CSMD1: variants seen among roughly 807,000 people sequenced by gnomAD.
CSMD1 encodes the protein CUB and sushi domain-containing protein 1.
In CSMD1, 213 loss-of-function variants were observed where a neutral mutation model predicts 417.5. The observed-to-expected ratio is 0.51, with a 90% CI of 0.46 to 0.57. CSMD1 has a LOEUF of 0.57. Among genes scored for constraint, CSMD1 ranks in the 20% least tolerant of loss-of-function variants. The pLI, the probability that CSMD1 is intolerant of heterozygous loss-of-function variation, is 0.00. For missense variants in CSMD1, 6,923 were observed against 4,529.7 expected, an observed-to-expected ratio of 1.53 and a Z score of -15.17; for synonymous variants, 2,862 against 1,736.8, an observed-to-expected ratio of 1.65 and a Z score of -16.11.
At chr8:3,724,606 T>A (rs544077705) in intron 6 of CSMD1, among the ~76,000 whole-genome samples, 1 of 152,152 alleles carries the variant, frequency 6.6e-6, no homozygotes, top group African/African-American at 2.4e-5. Context: ...GGAATGAGAA[T>A]TGGCCTCTGG....
intron 3 of CSMD1, among the ~76,000 whole-genome samples, chr8:4,218,166 T>C (rs1173461453): frequency 6.6e-6 from 1 of 152,326 alleles, no homozygotes; most frequent in South Asian, 2.1e-4. Flanking sequence ...GTTCTAGTAA[T>C]GGAACACTAG....
chr8:4,153,943 A>C (rs1203631885), intron 3 of CSMD1, among the ~76,000 whole-genome samples: 1 of 152,334 alleles, frequency 6.6e-6, no homozygotes, highest in South Asian at 2.1e-4. Flanking sequence ...TCCTGCTTTC[A>C]AGTGTTTTCT....
At chr8:3,822,728 G>A (rs910947927) in intron 5 of CSMD1, among the ~76,000 whole-genome samples, 7 of 152,152 alleles carry the variant, frequency 4.6e-5, no homozygotes, top group African/African-American at 1.7e-4. Flanking sequence ...AGTCCTTTGG[G>A]TTTTGTTTGG....
intron 7 of CSMD1, among the ~76,000 whole-genome samples, chr8:3,621,725 G>A (rs938880751): frequency 2.6e-5 from 4 of 151,782 alleles, no homozygotes; most frequent in African/African-American, 9.7e-5. Flanking sequence ...AACTACAGGT[G>A]CATGCCACCA....
At chr8:4,399,943 C>A (rs1400706940) in intron 3 of CSMD1, among the ~76,000 whole-genome samples, 2 of 152,162 alleles carry the variant, frequency 1.3e-5, no homozygotes, top group Admixed American at 1.3e-4. Flanking sequence ...CAGACCTCAT[C>A]TAGGGCTCTC....
chr8:3,988,767 T>C (rs979925737), intron 5 of CSMD1, among the ~76,000 whole-genome samples: 1 of 152,224 alleles, frequency 6.6e-6, no homozygotes, highest in African/African-American at 2.4e-5. Flanking sequence ...CAGCCCTGAA[T>C]GTGAAACAAT....
chr8:3,864,912 G>T (rs1162511545), intron 5 of CSMD1, among the ~76,000 whole-genome samples: 1 of 152,170 alleles, frequency 6.6e-6, no homozygotes, highest in African/African-American at 2.4e-5. Flanking sequence ...AAGAAGTATT[G>T]CTCTACGTGG....
chr8:4,614,012 T>G (rs1383636110), intron 2 of CSMD1, among the ~76,000 whole-genome samples: 1 of 152,148 alleles, frequency 6.6e-6, no homozygotes, highest in Non-Finnish European at 1.5e-5. Context: ...AATAAAAATT[T>G]TAGGACAAAC....
intron 10 of CSMD1, among the ~76,000 whole-genome samples, chr8:3,522,194 T>A (rs922097545): frequency 6.6e-6 from 1 of 152,196 alleles, no homozygotes; most frequent in Admixed American, 6.5e-5. Context: ...AATCGTTATA[T>A]GATTAAATTT....
At chr8:4,184,802 C>A (rs1798571127) in intron 3 of CSMD1, among the ~76,000 whole-genome samples, 1 of 151,798 alleles carries the variant, frequency 6.6e-6, no homozygotes. Flanking sequence ...CACAGGTTTA[C>A]TTATATAGGA....
intron 2 of CSMD1, among the ~76,000 whole-genome samples, chr8:4,552,902 G>A (rs893753490): frequency 6.6e-6 from 1 of 152,164 alleles, no homozygotes; most frequent in Admixed American, 6.5e-5. Flanking sequence ...CTAGGAACAG[G>A]TGAGATGGCA....
At chr8:4,990,865 G>A (rs1355050536) in intron 1 of CSMD1, among the ~76,000 whole-genome samples, 1 of 152,156 alleles carries the variant, frequency 6.6e-6, no homozygotes, top group East Asian at 1.9e-4. Flanking sequence ...GTATGGGAGG[G>A]CGCACCTCTC....
intron 5 of CSMD1, among the ~76,000 whole-genome samples, chr8:3,912,641 G>A (rs553890699): frequency 3.9e-5 from 6 of 152,228 alleles, no homozygotes; most frequent in Middle Eastern, 3.4e-3. Context: ...GTTTACAAGC[G>A]TCCTCAAGTG....
chr8:4,912,768 A>G (rs1422267891), intron 1 of CSMD1, among the ~76,000 whole-genome samples: 1 of 150,416 alleles, frequency 6.6e-6, no homozygotes, highest in Non-Finnish European at 1.5e-5. Flanking sequence ...ATGACATAAA[A>G]TGACATACAG....
chr8:3,701,524 A>T (rs1483678418), intron 7 of CSMD1, among the ~76,000 whole-genome samples: 2 of 146,954 alleles, frequency 1.4e-5, no homozygotes, highest in East Asian at 4.0e-4. Context: ...TTTTTTTTTT[A>T]GCATATTGGA....
intron 26 of CSMD1, among the ~76,000 whole-genome samples, chr8:3,281,422 C>A (rs138203268): frequency 3.9e-5 from 6 of 152,044 alleles, no homozygotes; most frequent in African/African-American, 9.6e-5. Context: ...CCAGCCTGGG[C>A]GACAAAGCAA....
At chr8:3,846,985 C>G (rs1014801693) in intron 5 of CSMD1, among the ~76,000 whole-genome samples, 1 of 152,130 alleles carries the variant, frequency 6.6e-6, no homozygotes, top group South Asian at 2.1e-4. Flanking sequence ...CCAGGATTTA[C>G]TTTTTAAATA....
At chr8:3,985,933 A>ATT (rs78621295) in intron 5 of CSMD1, among the ~76,000 whole-genome samples, 19 of 150,532 alleles carry the variant, frequency 1.3e-4, no homozygotes, top group East Asian at 5.9e-4. Context: ...GCATAACTCA[A>ATT]TTTTTTTTTC....
intron 3 of CSMD1, among the ~76,000 whole-genome samples, chr8:4,248,305 A>G (rs973368397): frequency 2.6e-5 from 4 of 152,118 alleles, no homozygotes; most frequent in Admixed American, 6.5e-5. Flanking sequence ...CTGAATTTAT[A>G]TACTAATCAA....
Sources: gnomAD v4.1 joint callset for allele counts (sites outside exome capture counted in the v4.1 genomes callset) on GRCh38, gnomAD v4.1.1 for gene constraint, MANE v1.5 for transcripts, NCBI Gene and HGNC (gene_info 2026-07-23, HGNC 2026-07-21) for gene names.